GABRB1: variants seen among roughly 807,000 people sequenced by gnomAD.
GABRB1 encodes the protein gamma-aminobutyric acid type A receptor subunit beta1, also known as gamma-aminobutyric acid receptor subunit beta-1.
Under a neutral mutation model 51.6 loss-of-function variants are expected in GABRB1, and 17 were observed. That is an observed-to-expected ratio of 0.33 (90% CI 0.23 to 0.49). The LOEUF (loss-of-function observed/expected upper bound fraction) is 0.49, where lower values mean the gene tolerates loss of function less well. GABRB1 is among the 20% of genes least tolerant of loss of function. GABRB1 has a pLI of 0.99. For synonymous variants in GABRB1, 247 were observed against 218.9 expected (o/e 1.13, Z -1.14); for missense variants, 410 against 600.6 (o/e 0.68, Z 3.32).
intron 3 of GABRB1, among the ~76,000 whole-genome samples, chr4:47,087,531 T>C (rs1728127314): frequency 6.6e-6 from 1 of 150,512 alleles, no homozygotes; most frequent in African/African-American, 2.5e-5. Flanking sequence ...GCATCCCCCG[T>C]TAGCACTTTC....
intron 1 of GABRB1, among the ~76,000 whole-genome samples, chr4:47,015,058 C>CA (rs888900545): frequency 2.0e-5 from 3 of 152,208 alleles, no homozygotes; most frequent in African/African-American, 7.2e-5. Context: ...AGGCACACGC[C>CA]ACCACACCCG....
chr4:47,034,417 A>G (rs541846338), intron 3 of GABRB1, among the ~76,000 whole-genome samples: 70 of 152,286 alleles, frequency 4.6e-4, no homozygotes, highest in Non-Finnish European at 7.5e-4. Flanking sequence ...TTTCTTCCTA[A>G]TGATTAAATA....
intron 8 of GABRB1, among the ~76,000 whole-genome samples, chr4:47,409,980 A>G (rs1475340455): frequency 6.6e-6 from 1 of 152,238 alleles, no homozygotes; most frequent in African/African-American, 2.4e-5. Flanking sequence ...AAATGTTCCC[A>G]TTTGACTGAC....
chr4:47,032,085 A>T, intron 2 of GABRB1, 80 bp downstream of exon 2: 1 of 766,406 alleles, frequency 1.3e-6, no homozygotes, highest in Non-Finnish European at 2.0e-6. Context: ...AAAAAAAAAA[A>T]AGAAAAGGCA....
chr4:47,106,823 T>C (rs1426164888), intron 3 of GABRB1, among the ~76,000 whole-genome samples: 3 of 152,090 alleles, frequency 2.0e-5, no homozygotes, highest in Non-Finnish European at 4.4e-5. Context: ...AAAATGACCA[T>C]AACAGTTTTG....
intron 4 of GABRB1, among the ~76,000 whole-genome samples, chr4:47,280,596 T>A (rs182787532): frequency 6.6e-6 from 1 of 151,654 alleles, no homozygotes; most frequent in African/African-American, 2.4e-5. Context: ...ATTTCAGCTA[T>A]TTTTGTCTGA....
intron 4 of GABRB1, among the ~76,000 whole-genome samples, chr4:47,246,080 C>T (rs186436733): frequency 2.0e-5 from 3 of 149,430 alleles, no homozygotes; most frequent in African/African-American, 4.9e-5. Context: ...ATTCTCCCCC[C>T]CCAAGTCCCC....
At chr4:47,015,511 C>A (rs1161427189) in intron 1 of GABRB1, among the ~76,000 whole-genome samples, 1 of 151,828 alleles carries the variant, frequency 6.6e-6, no homozygotes, top group African/African-American at 2.4e-5. Flanking sequence ...GTGACTCTTC[C>A]ACATTGGAAA....
intron 1 of GABRB1, among the ~76,000 whole-genome samples, chr4:47,025,403 C>T (rs1577834931): frequency 6.6e-6 from 1 of 151,720 alleles, no homozygotes. Flanking sequence ...ATGCCAATAT[C>T]TATTATTTTT....
chr4:47,353,744 T>C (rs1578116623), intron 5 of GABRB1, among the ~76,000 whole-genome samples: 1 of 152,180 alleles, frequency 6.6e-6, no homozygotes, highest in East Asian at 1.9e-4. Context: ...CAGCAGTCCC[T>C]TATCACCTTC....
At chr4:47,189,155 A>G (rs1317377732) in intron 4 of GABRB1, among the ~76,000 whole-genome samples, 1 of 151,908 alleles carries the variant, frequency 6.6e-6, no homozygotes, top group African/African-American at 2.4e-5. Context: ...GTTATGAGTG[A>G]CGTCTAAAAA....
At chr4:47,335,955 A>T (rs1372621011) in intron 5 of GABRB1, among the ~76,000 whole-genome samples, 1 of 152,150 alleles carries the variant, frequency 6.6e-6, no homozygotes, top group Non-Finnish European at 1.5e-5. Context: ...AGACTTATGC[A>T]TTACTCTGAC....
intron 4 of GABRB1, among the ~76,000 whole-genome samples, chr4:47,241,154 T>TA (rs1178718178): frequency 1.3e-5 from 2 of 152,024 alleles, no homozygotes; most frequent in African/African-American, 4.8e-5. Flanking sequence ...ATTTTTCCAG[T>TA]AAAAAAAATA....
At chr4:47,422,722 TA>T (rs1262706158) in intron 8 of GABRB1, among the ~76,000 whole-genome samples, 2 of 152,206 alleles carry the variant, frequency 1.3e-5, no homozygotes, top group African/African-American at 4.8e-5. Context: ...ACATATACAT[TA>T]TTTGCTGGAC....
intron 1 of GABRB1, among the ~76,000 whole-genome samples, chr4:47,005,182 G>A (rs901376081): frequency 1.3e-5 from 2 of 152,244 alleles, no homozygotes; most frequent in Admixed American, 6.5e-5. Context: ...ACTTTGGGAG[G>A]CCGAGGCGGG....
intron 3 of GABRB1, among the ~76,000 whole-genome samples, chr4:47,133,841 T>G (rs1352096525): frequency 1.3e-5 from 2 of 152,186 alleles, no homozygotes; most frequent in African/African-American, 4.8e-5. Flanking sequence ...GTTTCTCTGT[T>G]ATAAATTATA....
At chr4:47,268,933 A>T (rs1295810022) in intron 4 of GABRB1, among the ~76,000 whole-genome samples, 3 of 152,222 alleles carry the variant, frequency 2.0e-5, no homozygotes, top group African/African-American at 7.2e-5. Flanking sequence ...TTGTGAGTAT[A>T]GGAAAACTGT....
chr4:47,209,947 GT>G (rs1448205312), intron 4 of GABRB1, among the ~76,000 whole-genome samples: 4 of 152,046 alleles, frequency 2.6e-5, no homozygotes, highest in Non-Finnish European at 2.9e-5. Context: ...CTCTCCAAAA[GT>G]TTTAGCCTTA....
chr4:47,297,787 C>T (rs1218369042), intron 4 of GABRB1, among the ~76,000 whole-genome samples: 16 of 152,236 alleles, frequency 1.1e-4, no homozygotes, highest in African/African-American at 3.4e-4. Flanking sequence ...ATATCAAAGC[C>T]GGGCAGAGAC....
Sources: gnomAD v4.1 joint callset for allele counts (sites outside exome capture counted in the v4.1 genomes callset) on GRCh38, gnomAD v4.1.1 for gene constraint, MANE v1.5 for transcripts, NCBI Gene and HGNC (gene_info 2026-07-23, HGNC 2026-07-21) for gene names.